The following IL1R1 variants were observed in gnomAD, a reference collection of about 807,000 sequenced individuals.
The protein encoded by IL1R1 is interleukin 1 receptor type 1, also known as interleukin-1 receptor type 1.
In IL1R1, 22 loss-of-function variants were observed where a neutral mutation model predicts 50.2. That is an observed-to-expected ratio of 0.44 (90% CI 0.31 to 0.63). IL1R1 has a LOEUF of 0.63. Ranked by LOEUF, IL1R1 falls within the 20% of genes least tolerant of loss-of-function variation. The pLI is 0.07. For missense variants in IL1R1, 509 were observed against 676.2 expected (o/e 0.75, Z 2.74); for synonymous variants, 251 against 236.7 (o/e 1.06, Z -0.55).
intron 1 of IL1R1, among the ~76,000 whole-genome samples, chr2:102,136,043 C>T (rs1682322165): frequency 6.6e-6 from 1 of 152,138 alleles, no homozygotes; most frequent in Admixed American, 6.5e-5. Context: ...GTTCTGGGTC[C>T]TAAGTCTTTC....
upstream of IL1R1, among the ~76,000 whole-genome samples, chr2:102,101,977 G>T (rs565920448): frequency 4.7e-5 from 7 of 148,044 alleles, no homozygotes; most frequent in South Asian, 1.9e-3. Context: ...GTGTGTGGGT[G>T]CGTGTGGGTG....
At chr2:102,100,820 C>T (rs1003825527), upstream of IL1R1, among the ~76,000 whole-genome samples, 5 of 152,056 alleles carry the variant, frequency 3.3e-5, no homozygotes, top group African/African-American at 9.7e-5. Context: ...GCATTCTCCC[C>T]GGAGGTTTGA....
At position 102,174,605 on chromosome 2, in the gene IL1R1, A is replaced by C. The variant is rs1685954826; in HGVS notation, c.1010A>C (p.His337Pro). The C allele has an allele frequency of 6.3e-7, 1 of 1,581,128 alleles. No homozygotes were observed. Among genetic ancestry groups the C allele is most frequent in the Non-Finnish European group, 8.6e-7 (1 of 1,168,114 alleles). ...GCTATAGTCACTAATTTCCAGAAGC[A>C]CATGATTGGTATATGTGTCACGTTG... is the stretch of plus-strand genomic sequence containing the variant. ...LIYPVTNFQK[H>P]MIGICVTLTV... Residue 337 changes from histidine (H) to proline (P), a missense_variant, in exon 10 of 12, where the codon CAC becomes CCC. Physicochemically the swap from His to Pro is moderately conservative, Grantham distance 77. Transcript: ENST00000410023.
At position 102,176,423 on chromosome 2, in the gene IL1R1, A is replaced by G. The variant is rs764003883; in HGVS notation, c.1374A>G (p.Thr458=). ...TGATTATCATTTTAGTCAGAGAAAC[A>G]TCAGGCTTCAGCTGGCTGGGTGGTT... ...RRLIIILVRE[T]SGFSWLGGSS... is the part of the protein sequence containing the mutation. The change falls in exon 12 of 12, where the codon ACA becomes ACG. Residue 458 remains threonine, a synonymous_variant. Coordinates refer to ENST00000410023, the MANE Select transcript of IL1R1 (RefSeq NM_000877.4). 3 of 1,614,226 alleles carry G rather than the reference A, an allele frequency of 1.9e-6. No individual in the cohort carries two copies. In the East Asian group the frequency reaches 6.7e-5, roughly 36 times the overall value.
Position 102,164,769 on chromosome 2 carries a change from T to G in IL1R1, c.62-5T>G, listed in dbSNP as rs1458505797. 1.2e-6 allele frequency: 2 copies of G among 1,603,040 alleles called. No individual in the cohort carries two copies. The highest frequency in any genetic ancestry group is 3.4e-5 in the Admixed American group (2 of 59,520). On this transcript the variant is annotated splice_region_variant and splice_polypyrimidine_tract_variant and intron_variant, in intron 3 of 11. Coordinates refer to ENST00000410023, the MANE Select transcript of IL1R1 (RefSeq NM_000877.4). ...AAATTGCTTCCACCCTTCTTCCTTT[T>G]AAAGATAAATGCAAGGAACGTGAAG...
At chr2:102,087,000 G>A (rs1679459154) in intron 1 of IL1R1, among the ~76,000 whole-genome samples, 1 of 151,880 alleles carries the variant, frequency 6.6e-6, no homozygotes, top group African/African-American at 2.4e-5. Flanking sequence ...CCAAACCACT[G>A]CAGAAAAGTG....
intron 5 of IL1R1, among the ~76,000 whole-genome samples, chr2:102,165,616 A>T (rs1025260644): frequency 6.6e-6 from 1 of 152,216 alleles, no homozygotes; most frequent in African/African-American, 2.4e-5. Flanking sequence ...ATTACAAAAC[A>T]TACTATGTGT....
At chr2:102,131,375 T>A (rs879708927) in intron 1 of IL1R1, among the ~76,000 whole-genome samples, 6 of 152,130 alleles carry the variant, frequency 3.9e-5, no homozygotes, top group Non-Finnish European at 7.4e-5. Context: ...ATAAGGATGA[T>A]AATAATGCAG....
In IL1R1 at chr2:102,176,847, C is replaced by A; in HGVS notation, c.*88C>A. On this transcript the variant is annotated 3_prime_UTR_variant, in exon 12 of 12. Transcript: ENST00000410023. ...ATGCCTCATGCTGACTTGCAGAGTTCATGGAATGTAACTATATCATCCTTT... is the reference window on the plus strand; with the variant it reads ...ATGCCTCATGCTGACTTGCAGAGTTAATGGAATGTAACTATATCATCCTTT... The A allele has an allele frequency of 4.0e-6, 5 of 1,240,282 alleles. No homozygotes were observed. Among genetic ancestry groups the A allele is most frequent in the Admixed American group, 2.0e-5 (1 of 49,214 alleles). The allele number at this position is 1,240,282 out of a possible 1,614,324, so 76.8% of individuals were successfully genotyped here. A position where few individuals can be genotyped will look rare whatever the true frequency, so the allele number is the denominator to read the frequency against.
In IL1R1 at chr2:102,168,613, C is replaced by T. The variant is rs1345160793; in HGVS notation, c.671C>T (p.Thr224Ile). The T allele has an allele frequency of 1.2e-6, 2 of 1,613,594 alleles. No individual in the cohort carries two copies. The highest frequency in any genetic ancestry group is 1.7e-5 in the Admixed American group (1 of 59,990). The change falls in exon 7 of 12, where the codon ACA becomes ATA. Residue 224 changes from threonine (T) to isoleucine (I), a missense_variant. Thr to Ile is a moderately conservative substitution (Grantham distance 89). Transcript: ENST00000410023. ...EFITLEENKP[T>I]RPVIVSPANE... ...TTTCTTTCAGAGGAAAACAAACCCA[C>T]AAGGCCTGTGATTGTGAGCCCAGCT...
At chr2:102,109,852 C>T (rs934592496) in intron 1 of IL1R1, among the ~76,000 whole-genome samples, 1 of 152,178 alleles carries the variant, frequency 6.6e-6, no homozygotes, top group Non-Finnish European at 1.5e-5. Flanking sequence ...ATGGTGAGTG[C>T]TAGCTTGGGG....
chr2:102,073,167 G>GA, intron 1 of IL1R1, among the ~76,000 whole-genome samples: 1 of 152,164 alleles, frequency 6.6e-6, no homozygotes, highest in South Asian at 2.1e-4. Flanking sequence ...AAGCATGTGA[G>GA]AAAAAAAGTG....
chr2:102,126,152 A>G (rs902416261), intron 1 of IL1R1, among the ~76,000 whole-genome samples: 4 of 152,262 alleles, frequency 2.6e-5, no homozygotes, highest in African/African-American at 4.8e-5. Flanking sequence ...TTAAAAATTT[A>G]AATGTATTAC....
At chr2:102,079,851 C>T (rs139641291) in intron 1 of IL1R1, among the ~76,000 whole-genome samples, 1,531 of 152,144 alleles carry the variant, frequency 0.01, 31 homozygotes, top group African/African-American at 0.034. Flanking sequence ...TACAAAGCAA[C>T]GGTATCCAAG....
At chr2:102,083,913 C>T (rs1388704078) in intron 1 of IL1R1, among the ~76,000 whole-genome samples, 1 of 151,116 alleles carries the variant, frequency 6.6e-6, no homozygotes, top group Non-Finnish European at 1.5e-5. Context: ...CACTGCACTC[C>T]AGCTTAAGCG....
chr2:102,098,615 G>A (rs1207917647), intron 1 of IL1R1, among the ~76,000 whole-genome samples: 2 of 152,088 alleles, frequency 1.3e-5, no homozygotes, highest in African/African-American at 4.8e-5. Context: ...TGCAGTGAAA[G>A]TATGATTATG....
chr2:102,107,935 G>T (rs942105424), intron 1 of IL1R1, among the ~76,000 whole-genome samples: 1 of 152,106 alleles, frequency 6.6e-6, no homozygotes, highest in Non-Finnish European at 1.5e-5. Context: ...GAGTAACCTG[G>T]GGTAAACCTC....
chr2:102,081,335 G>T (rs369072118), intron 1 of IL1R1, among the ~76,000 whole-genome samples: 2 of 152,148 alleles, frequency 1.3e-5, no homozygotes, highest in African/African-American at 2.4e-5. Flanking sequence ...AGCTAAGGGA[G>T]CCTGGGATGG....
chr2:102,175,711 C>A, intron 11 of IL1R1, 66 bp downstream of exon 11: 1 of 1,473,524 alleles, frequency 6.8e-7, no homozygotes. Context: ...ATGTGGATTC[C>A]ATCTTTCTAG....
Sources: allele counts gnomAD v4.1 joint callset (sites outside exome capture counted in the v4.1 genomes callset), GRCh38; gene constraint gnomAD v4.1.1; transcripts MANE v1.5; gene names NCBI Gene and HGNC (gene_info 2026-07-23, HGNC 2026-07-21).